ZNF518A: variants seen among roughly 807,000 people sequenced by gnomAD.
The protein encoded by ZNF518A is zinc finger protein 518A, also known as zinc finger protein 518.
A neutral mutation model predicts 102.7 loss-of-function variants in ZNF518A; 47 were observed. That is an observed-to-expected ratio of 0.46 (90% CI 0.36 to 0.58). The LOEUF is 0.58. ZNF518A is among the 20% of genes least tolerant of loss of function. The pLI is 0.00. For missense variants in ZNF518A, 1,793 were observed against 1,699.8 expected, an observed-to-expected ratio of 1.05 and a Z score of -0.96; for synonymous variants, 652 against 594.6, an observed-to-expected ratio of 1.10 and a Z score of -1.40.
intron 3 of ZNF518A, among the ~76,000 whole-genome samples, chr10:96,153,370 G>A (rs1169352658): frequency 1.3e-5 from 2 of 152,128 alleles, no homozygotes; most frequent in African/African-American, 4.8e-5. Flanking sequence ...ATGTTTTACT[G>A]GTTTTCTAGG....
rs782636828 is a variant in ZNF518A at position 96,192,042 on chromosome 10, C to A, written n.36-11532C>A. ...TGTTATTCTGACTGTCAATAAGAAC[C>A]AAAGGACTATGTTGATGATTCCTGA... On this transcript the variant is annotated intron_variant and non_coding_transcript_variant, in intron 1 of 2. Transcript: ENST00000442635. 14 of 1,613,612 alleles carry A rather than the reference C, an allele frequency of 8.7e-6. No individual in the cohort carries two copies. Among genetic ancestry groups the A allele is most frequent in the Non-Finnish European group, 1.2e-5 (14 of 1,179,734 alleles).
intron 3 of ZNF518A, among the ~76,000 whole-genome samples, chr10:96,142,204 CA>C (rs141506427): frequency 0.08 from 12,039 of 150,898 alleles, 968 homozygotes; most frequent in African/African-American, 0.21. Context: ...AAAACAGCTG[CA>C]AAAAAAAGTA....
At chr10:96,132,338 C>T (rs1417576572) in intron 1 of ZNF518A, among the ~76,000 whole-genome samples, 1 of 151,726 alleles carries the variant, frequency 6.6e-6, no homozygotes, top group African/African-American at 2.4e-5. Flanking sequence ...TTGGGCAAGG[C>T]TCATTTTCTT....
chr10:96,195,375 CACTATTCA>C (rs1416337894), intron 1 of ZNF518A, among the ~76,000 whole-genome samples: 1 of 152,188 alleles, frequency 6.6e-6, no homozygotes, highest in African/African-American at 2.4e-5. Context: ...TTTATAGCAG[CACTATTCA>C]CAATAGCCAA....
intron 1 of ZNF518A, among the ~76,000 whole-genome samples, chr10:96,173,480 G>A (rs1400358860): frequency 6.6e-6 from 1 of 152,170 alleles, no homozygotes; most frequent in Non-Finnish European, 1.5e-5. Context: ...ACCATAGACT[G>A]AGGGGATGAA....
At chr10:96,179,821 T>C (rs2083228036) in intron 1 of ZNF518A, among the ~76,000 whole-genome samples, 1 of 147,678 alleles carries the variant, frequency 6.8e-6, no homozygotes, top group African/African-American at 2.4e-5. Context: ...TCCTTCTCTT[T>C]CTCCTTCTCC....
intron 1 of ZNF518A, among the ~76,000 whole-genome samples, chr10:96,175,890 C>A (rs2083201358): frequency 1.4e-5 from 1 of 71,616 alleles, no homozygotes; most frequent in African/African-American, 3.9e-5. Flanking sequence ...TTCCTTCCTT[C>A]CTTCCTTCCT....
At chr10:96,166,931 T>TC (rs1225756998), downstream of ZNF518A, among the ~76,000 whole-genome samples, 1 of 152,138 alleles carries the variant, frequency 6.6e-6, no homozygotes, top group African/African-American at 2.4e-5. Context: ...ACTTGTAAAC[T>TC]CCTTAAGTAG....
chr10:96,193,872 T>C (rs782126458), intron 1 of ZNF518A, among the ~76,000 whole-genome samples: 19 of 152,250 alleles, frequency 1.2e-4, no homozygotes, highest in Non-Finnish European at 2.4e-4. Flanking sequence ...ATTGACATCA[T>C]GTAACCAACA....
chr10:96,168,349 CT>C (rs2083154758), downstream of ZNF518A, among the ~76,000 whole-genome samples: 1 of 151,618 alleles, frequency 6.6e-6, no homozygotes, highest in Non-Finnish European at 1.5e-5. Context: ...GTGATGCACC[CT>C]TAAATAAAGC....
intron 1 of ZNF518A, among the ~76,000 whole-genome samples, chr10:96,174,242 C>T (rs587710707): frequency 6.6e-6 from 1 of 151,864 alleles, no homozygotes; most frequent in South Asian, 2.1e-4. Context: ...AATAGCATAA[C>T]TTTATACTTT....
At chr10:96,155,114 G>A (rs1259682765) in intron 3 of ZNF518A, among the ~76,000 whole-genome samples, 3 of 152,018 alleles carry the variant, frequency 2.0e-5, no homozygotes, top group Non-Finnish European at 4.4e-5. Flanking sequence ...AATACAGTTT[G>A]ATATATTAAT....
intron 1 of ZNF518A, among the ~76,000 whole-genome samples, chr10:96,193,110 G>A (rs1554893894): frequency 6.6e-6 from 1 of 152,202 alleles, no homozygotes; most frequent in Non-Finnish European, 1.5e-5. Flanking sequence ...TTGGCTAGCT[G>A]AATATTCAGT....
chr10:96,156,161 T>C, intron 5 of ZNF518A, 36 bp from the exon 6 acceptor site: 1 of 556,412 alleles, frequency 1.8e-6, no homozygotes, highest in Non-Finnish European at 2.8e-6. Context: ...ACTATTATTT[T>C]TGTGATGAGA....
intron 3 of ZNF518A, among the ~76,000 whole-genome samples, chr10:96,146,058 C>G (rs1554878382): frequency 6.6e-6 from 1 of 152,072 alleles, no homozygotes; most frequent in East Asian, 1.9e-4. Flanking sequence ...TTCTATCCAT[C>G]TATCAGTATT....
At chr10:96,172,360 C>T (rs2083178894) in intron 1 of ZNF518A, among the ~76,000 whole-genome samples, 1 of 151,784 alleles carries the variant, frequency 6.6e-6, no homozygotes, top group Non-Finnish European at 1.5e-5. Flanking sequence ...GGAAATGACA[C>T]CAGAGAGTAT....
At chr10:96,190,403 T>C (rs1390058184) in intron 1 of ZNF518A, among the ~76,000 whole-genome samples, 3 of 152,222 alleles carry the variant, frequency 2.0e-5, no homozygotes, top group Non-Finnish European at 4.4e-5. Context: ...AGCCATTGTA[T>C]TAAGGCCCAC....
Position 96,159,069 on chromosome 10 carries a change from A to G in ZNF518A, c.2747A>G (p.Tyr916Cys), listed in dbSNP as rs782324464. The G allele has an allele frequency of 1.6e-5, 26 of 1,613,428 alleles. No individual in the cohort carries two copies. The highest frequency in any genetic ancestry group is 2.0e-5 in the Non-Finnish European group (24 of 1,179,720). Reference sequence around the variant, plus strand: ...ACCACACAAAATTTAGGTTCTTTTTATATGCAGAGTCCACTTTTAAATTCA... The same window carrying G: ...ACCACACAAAATTTAGGTTCTTTTTGTATGCAGAGTCCACTTTTAAATTCA... ...RATTQNLGSF[Y>C]MQSPLLNSEQ... is the part of the protein sequence containing the mutation. The change falls in exon 6 of 6, where the codon TAT (tyrosine) becomes TGT (cysteine). Residue 916 changes from tyrosine (Y) to cysteine (C), a missense_variant. Coordinates refer to ENST00000316045, the MANE Select transcript of ZNF518A (RefSeq NM_001330736.2).
chr10:96,161,039 G>T lies in ZNF518A; in HGVS notation c.*265G>T. ...TTTTAAACGTGTTCTCGGGAAGTTA[G>T]GGCTAAAGAAAATTTTGATAAAACA... On this transcript the variant is annotated 3_prime_UTR_variant, in exon 6 of 6. Coordinates refer to ENST00000316045, the MANE Select transcript of ZNF518A (RefSeq NM_001330736.2). 3.0e-6 allele frequency: 1 copy of T among 335,458 alleles called. No homozygotes were observed. The highest frequency in any genetic ancestry group is 5.5e-6 in the Non-Finnish European group (1 of 181,716). The allele number at this position is 335,458 out of a possible 1,614,324, so 20.8% of individuals were successfully genotyped here.
Sources: allele counts gnomAD v4.1 joint callset (sites outside exome capture counted in the v4.1 genomes callset), GRCh38; gene constraint gnomAD v4.1.1; transcripts MANE v1.5; gene names NCBI Gene and HGNC (gene_info 2026-07-23, HGNC 2026-07-21).